The following CRISP2 variants were observed in gnomAD, a reference collection of about 807,000 sequenced individuals.
The protein encoded by CRISP2 is cysteine rich secretory protein 2, also known as cysteine-rich secretory protein 2.
Under a neutral mutation model 31.7 loss-of-function variants are expected in CRISP2, and 29 were observed. The observed-to-expected ratio is 0.92, with a 90% CI of 0.68 to 1.25. The LOEUF (loss-of-function observed/expected upper bound fraction) is 1.25. Among genes scored for constraint, CRISP2 ranks in the 50% most tolerant of loss-of-function variants. CRISP2 has a pLI of 0.00. For synonymous variants in CRISP2, 111 were observed against 101.4 expected (o/e 1.09, Z -0.57); for missense variants, 318 against 286.5 (o/e 1.11, Z -0.79).
chr6:49,685,517 C>T, the CRISP2 span, among the ~76,000 whole-genome samples: 1 of 152,182 alleles, frequency 6.6e-6, no homozygotes, highest in Non-Finnish European at 1.5e-5. Context: ...CCTACATTCT[C>T]CTTTCTCATA....
At chr6:49,683,029 G>A in the CRISP2 span, among the ~76,000 whole-genome samples, 2 of 151,996 alleles carry the variant, frequency 1.3e-5, no homozygotes, top group Non-Finnish European at 2.9e-5. Context: ...ATGGTGGCAT[G>A]TGCCTGTAAT....
At chr6:49,712,843 C>G (rs916183841) in intron 1 of CRISP2, among the ~76,000 whole-genome samples, 1 of 152,172 alleles carries the variant, frequency 6.6e-6, no homozygotes, top group African/African-American at 2.4e-5. Flanking sequence ...TCTTGAAGTT[C>G]AGTAACTACT....
At chr6:49,709,875 AT>A (rs1767698896) in intron 3 of CRISP2, among the ~76,000 whole-genome samples, 2 of 152,186 alleles carry the variant, frequency 1.3e-5, no homozygotes, top group Admixed American at 6.5e-5. Flanking sequence ...TGGTAAGAAG[AT>A]TGTTTCGTAT....
At chr6:49,697,684 G>A (rs529491783) in intron 8 of CRISP2, 176 bp downstream of exon 8, 1 of 1,504,886 alleles carries the variant, frequency 6.6e-7, no homozygotes, top group South Asian at 1.2e-5. Flanking sequence ...ACCTGAAAGT[G>A]AGAAGTTGTT....
At chr6:49,699,929 C>A in intron 5 of CRISP2, 38 bp from the exon 6 acceptor site, 1 of 1,554,526 alleles carries the variant, frequency 6.4e-7, no homozygotes, top group South Asian at 1.1e-5. Flanking sequence ...CTTAATGATT[C>A]AGCCACAATG....
intron 4 of CRISP2, among the ~76,000 whole-genome samples, chr6:49,701,598 C>CATTATATATGTAT (rs1765757234): frequency 1.3e-4 from 3 of 23,820 alleles, no homozygotes; most frequent in African/African-American, 3.6e-4. Context: ...TATATATATA[C>CATTATATATGTAT]ACACACACAC....
At chr6:49,712,625 A>G (rs922313057) in intron 1 of CRISP2, 21 bp from the exon 2 acceptor site, 1 of 152,178 alleles carries the variant, frequency 6.6e-6, no homozygotes, top group African/African-American at 2.4e-5. Flanking sequence ...GAAACAAAAT[A>G]TTTAAAATAA....
At chr6:49,689,685 C>T (rs1763989659), downstream of CRISP2, among the ~76,000 whole-genome samples, 1 of 151,978 alleles carries the variant, frequency 6.6e-6, no homozygotes, top group South Asian at 2.1e-4. Flanking sequence ...TAAAAAGAAA[C>T]AAAATGTACA....
At chr6:49,687,925 G>C (rs1057465391), downstream of CRISP2, among the ~76,000 whole-genome samples, 2 of 152,146 alleles carry the variant, frequency 1.3e-5, no homozygotes, top group Non-Finnish European at 2.9e-5. Flanking sequence ...TAAGCCGGAT[G>C]GTTAAAGTCA....
chr6:49,697,999 A>G (rs770216914), intron 7 of CRISP2, 42 bp from the exon 8 acceptor site: 2 of 1,420,812 alleles, frequency 1.4e-6, no homozygotes, highest in South Asian at 2.7e-5. Context: ...AGTACATTAG[A>G]GAAGATGAAA....
chr6:49,709,364 A>T (rs1469922364), intron 3 of CRISP2, 159 bp from the exon 4 acceptor site: 1 of 214,108 alleles, frequency 4.7e-6, no homozygotes, highest in African/African-American at 2.4e-5. Context: ...TGGTACTAGT[A>T]GAATCATAAT....
At chr6:49,693,912 T>A (rs1764311741) in intron 9 of CRISP2, among the ~76,000 whole-genome samples, 1 of 152,194 alleles carries the variant, frequency 6.6e-6, no homozygotes, top group Admixed American at 6.5e-5. Flanking sequence ...GATTACACAT[T>A]TCCATCTTTC....
At chr6:49,705,803 G>A (rs1021687049) in intron 4 of CRISP2, among the ~76,000 whole-genome samples, 1 of 152,244 alleles carries the variant, frequency 6.6e-6, no homozygotes, top group African/African-American at 2.4e-5. Context: ...CCATGATCTG[G>A]ATTTTCAGCT....
intron 4 of CRISP2, among the ~76,000 whole-genome samples, chr6:49,708,059 C>A (rs73439854): frequency 0.033 from 5,061 of 152,020 alleles, 298 homozygotes; most frequent in African/African-American, 0.12. Context: ...CCTAACTATA[C>A]AAATTAAATG....
At position 49,709,115 on chromosome 6, in the gene CRISP2, T is replaced by G; in HGVS notation, c.66+16A>C. ...TTGCTGGATAGCTCTGAAAAGATTT[T>G]CCATTTTAACCTTACCTTTCCTTCT... On this transcript the variant is annotated intron_variant, in intron 4 of 9. Coordinates refer to ENST00000339139, the MANE Select transcript of CRISP2 (RefSeq NM_003296.4). 6.2e-7 allele frequency: 1 copy of G among 1,612,164 alleles called. No individual in the cohort carries two copies. Among genetic ancestry groups the G allele is most frequent in the South Asian group, 1.1e-5 (1 of 91,028 alleles).
rs144028990 is a variant in CRISP2, at chr6:49,697,577, A to G, written c.515+283T>C. 1.6e-3 allele frequency: 880 copies of G among 560,144 alleles called. 12 individuals carry two copies. The African/African-American group carries it at 0.016, about 10-fold the overall frequency. 34.7% of individuals were successfully genotyped at this position (560,144 alleles called of 1,614,324 possible). Reference sequence around the variant, plus strand: ...TGATACCAATTCTAGAGAAATACATATTACACATGCTCACAGAGTAACCCT... The same window carrying G: ...TGATACCAATTCTAGAGAAATACATGTTACACATGCTCACAGAGTAACCCT... On this transcript the variant is annotated intron_variant, in intron 8 of 9. Transcript: ENST00000339139.
chr6:49,695,734 A>G, intron 9 of CRISP2, 102 bp downstream of exon 9: 1 of 988,702 alleles, frequency 1.0e-6, no homozygotes, highest in Non-Finnish European at 1.5e-6. Context: ...TCACCAATAC[A>G]TTATTTCAAT....
At chr6:49,701,515 TATATATATATAC>T (rs1765708563) in intron 4 of CRISP2, among the ~76,000 whole-genome samples, 1 of 128,584 alleles carries the variant, frequency 7.8e-6, no homozygotes, top group East Asian at 2.2e-4. Context: ...TATATATATA[TATATATATATAC>T]ACACACACAC....
intron 4 of CRISP2, among the ~76,000 whole-genome samples, chr6:49,701,943 GTAA>G (rs1202050240): frequency 0.15 from 217 of 1,492 alleles, 1 homozygote; most frequent in Non-Finnish European, 0.18. Context: ...TATAATATAT[GTAA>G]TATAATATAT....
Sources: gnomAD v4.1 joint callset for allele counts (sites outside exome capture counted in the v4.1 genomes callset) on GRCh38, gnomAD v4.1.1 for gene constraint, MANE v1.5 for transcripts, NCBI Gene and HGNC (gene_info 2026-07-23, HGNC 2026-07-21) for gene names.